The following GCNT2 variants were observed in gnomAD, a reference collection of about 807,000 sequenced individuals.
GCNT2 encodes N-acetyllactosaminide beta-1,6-N-acetylglucosaminyl-transferase.
In GCNT2, 34 loss-of-function variants were observed where a neutral mutation model predicts 34.2. The ratio of observed to expected loss-of-function variants is 1.00; its 90% CI spans 0.76 to 1.32. The LOEUF (loss-of-function observed/expected upper bound fraction) is 1.32, where lower values mean the gene tolerates loss of function less well. GCNT2 is among the 40% of genes most tolerant of loss of function. The pLI, the probability that GCNT2 is intolerant of heterozygous loss-of-function variation, is 0.00. For missense variants in GCNT2, 584 were observed against 489.4 expected (o/e 1.19, Z -1.82); for synonymous variants, 212 against 188.0 (o/e 1.13, Z -1.04).
chr6:10,556,890 C>T, intron 3 of GCNT2: 1 of 1,614,092 alleles, frequency 6.2e-7, no homozygotes. Context: ...AAGATGGAAC[C>T]CGTTGTCTAT....
rs184718084 is a variant in GCNT2, at chr6:10,534,978, G to T, written c.925+5142G>T. The stretch of plus-strand genomic sequence containing the variant: ...GTGGGCGGATCACCTGAGGTCAGAA[G>T]TTTGAGGCTAGCCTGGCCAACATGA... On this transcript the variant is annotated intron_variant, in intron 3 of 4. Coordinates refer to ENST00000495262, the MANE Select transcript of GCNT2 (RefSeq NM_145649.5). Among the ~76,000 whole-genome samples the T allele has an allele frequency of 3.8e-3, 573 of 152,296 alleles. 4 individuals are homozygous for T. Among genetic ancestry groups the T allele is most frequent in the Non-Finnish European group, 3.1e-3 (210 of 68,014 alleles).
chr6:10,573,274 G>C (rs1204044856), intron 3 of GCNT2: 1 of 985,118 alleles, frequency 1.0e-6, no homozygotes, highest in Non-Finnish European at 1.2e-6. Flanking sequence ...TGTGCAGAAA[G>C]ACAAATAGTT....
rs1337883091 is a variant in GCNT2 at position 10,582,552 on chromosome 6, T to TATA, written c.926-38798_926-38796dup. ...ATCATATATTATATATCATGTATAATATATATCATATATATTTAAATATAT... is the reference window on the plus strand; with the variant it reads ...ATCATATATTATATATCATGTATAATATAATATATCATATATATTTAAATATAT... On this transcript the variant is annotated intron_variant, in intron 3 of 4. Coordinates refer to ENST00000495262, the MANE Select transcript of GCNT2 (RefSeq NM_145649.5). Among the ~76,000 whole-genome samples, 445 of 133,990 alleles carry TATA rather than the reference T, an allele frequency of 3.3e-3. 8 individuals are homozygous for TATA. Among genetic ancestry groups the TATA allele is most frequent in the African/African-American group, 0.012 (413 of 35,070 alleles). 87.9% of individuals were successfully genotyped at this position (133,990 alleles called of 152,430 possible).
chr6:10,621,771 A>G (rs1766048277), intron 4 of GCNT2: 1 of 360,598 alleles, frequency 2.8e-6, no homozygotes, highest in African/African-American at 2.1e-5. Flanking sequence ...GTGCAGTGGC[A>G]TGAATGCAGC....
At chr6:10,603,690 A>C (rs1581472059) in intron 3 of GCNT2, among the ~76,000 whole-genome samples, 1 of 150,850 alleles carries the variant, frequency 6.6e-6, no homozygotes, top group Non-Finnish European at 1.5e-5. Flanking sequence ...TAATTTTTGT[A>C]TTTTAGTAGA....
intron 3 of GCNT2, among the ~76,000 whole-genome samples, chr6:10,539,408 C>G (rs1180017916): frequency 6.6e-6 from 1 of 151,810 alleles, no homozygotes; most frequent in Non-Finnish European, 1.5e-5. Flanking sequence ...AGGCTGGTCT[C>G]GAACTCCTGA....
At chr6:10,602,703 A>G (rs946217355) in intron 3 of GCNT2, among the ~76,000 whole-genome samples, 5 of 152,222 alleles carry the variant, frequency 3.3e-5, no homozygotes, top group Non-Finnish European at 7.3e-5. Flanking sequence ...CTGCTCGTAC[A>G]TGGAATTGGA....
chr6:10,521,532 G>A (rs1023357972), intron 1 of GCNT2, 115 bp downstream of exon 1: 1 of 152,348 alleles, frequency 6.6e-6, no homozygotes, highest in African/African-American at 2.4e-5. Context: ...CAATAGGCTG[G>A]TACTCAAATG....
intron 3 of GCNT2, among the ~76,000 whole-genome samples, chr6:10,537,346 G>A (rs749416342): frequency 2.6e-5 from 4 of 152,078 alleles, no homozygotes; most frequent in Middle Eastern, 3.4e-3. Context: ...GATGCTCTTC[G>A]ACTTACAGCG....
chr6:10,585,921 C>G lies in GCNT2; in HGVS notation c.926-35430C>G, dbSNP rs559995914. 1.2e-5 allele frequency: 19 copies of G among 1,598,236 alleles called. No homozygotes were observed. In the African/African-American group the frequency reaches 2.3e-4, roughly 19 times the overall value. On this transcript the variant is annotated intron_variant, in intron 3 of 4. Coordinates refer to ENST00000495262, the MANE Select transcript of GCNT2 (RefSeq NM_145649.5). ...TCAAGACTGGCAAGAGAAGCAAATT[C>G]AACCTCTCACACCGATCATTTCTCA...
chr6:10,556,908 T>G (rs778682112), intron 3 of GCNT2: 1 of 1,614,098 alleles, frequency 6.2e-7, no homozygotes, highest in Admixed American at 1.7e-5. Context: ...TATGGAGGGA[T>G]CTCCAGGCTC....
Position 10,571,579 on chromosome 6 carries a change from C to G in GCNT2, c.925+41743C>G, listed in dbSNP as rs148494176. Among the ~76,000 whole-genome samples, 4 of 152,260 alleles carry G rather than the reference C, an allele frequency of 2.6e-5. No individual in the cohort carries two copies. In the East Asian group the frequency reaches 7.7e-4, roughly 29 times the overall value. On this transcript the variant is annotated intron_variant, in intron 3 of 4. Transcript: ENST00000495262. ...TGTTGGCCGGACTGGTCTTGAACTC[C>G]TGACCTCAGGTGACCCACCCACCTC...
In GCNT2 at chr6:10,536,910, C is replaced by T. The variant is rs181588582; in HGVS notation, c.925+7074C>T. On this transcript the variant is annotated intron_variant, in intron 3 of 4. Coordinates refer to ENST00000495262, the MANE Select transcript of GCNT2 (RefSeq NM_145649.5). ...CCTCCTGAGTAGCTGGGACTACAGG[C>T]GCCCGCCACCACGCCTGGCTAATTT... Among the ~76,000 whole-genome samples, 913 of 151,946 alleles carry T rather than the reference C, an allele frequency of 6.0e-3. 15 individuals carry two copies. The highest frequency in any genetic ancestry group is 0.021 in the African/African-American group (864 of 41,438).
In GCNT2 at chr6:10,628,952, G is replaced by A. The variant is rs1216977447; in HGVS notation, c.*2345G>A. ...CATGAGAATCGCTTGAACCCAGGAGGTGGAGGTTACAGTGAGCTGAGAGTG... is the reference window on the plus strand; with the variant it reads ...CATGAGAATCGCTTGAACCCAGGAGATGGAGGTTACAGTGAGCTGAGAGTG... On this transcript the variant is annotated 3_prime_UTR_variant, in exon 5 of 5. Coordinates refer to ENST00000495262, the MANE Select transcript of GCNT2 (RefSeq NM_145649.5). The A allele has an allele frequency of 1.3e-5, 2 of 152,486 alleles. No homozygotes were observed. Among genetic ancestry groups the A allele is most frequent in the Non-Finnish European group, 2.9e-5 (2 of 68,074 alleles). 9.4% of individuals were successfully genotyped at this position (152,486 alleles called of 1,614,324 possible).
Position 10,523,990 on chromosome 6 carries a change from A to C in GCNT2, c.-469+2573A>C, listed in dbSNP as rs1387609479. ...TCTGTCTCAAAAAAAAAAAAAAAAA[A>C]AAACCAAGACTAAGAGGTGTGGTGA... On this transcript the variant is annotated intron_variant, in intron 1 of 4. Coordinates refer to ENST00000495262, the MANE Select transcript of GCNT2 (RefSeq NM_145649.5). Among the ~76,000 whole-genome samples the C allele has an allele frequency of 2.6e-4, 39 of 150,786 alleles. No individual in the cohort carries two copies. In the South Asian group the frequency reaches 4.2e-3, roughly 16 times the overall value.
chr6:10,541,090 T>A (rs1762018002), intron 3 of GCNT2, among the ~76,000 whole-genome samples: 1 of 151,174 alleles, frequency 6.6e-6, no homozygotes, highest in South Asian at 2.1e-4. Context: ...CCACAGTGGT[T>A]TACCCGCACA....
chr6:10,574,514 C>G (rs528831983), intron 3 of GCNT2, among the ~76,000 whole-genome samples: 7 of 152,248 alleles, frequency 4.6e-5, no homozygotes, highest in Middle Eastern at 3.4e-3. Flanking sequence ...TATTTTCCCT[C>G]ATTTCACACT....
chr6:10,598,973 G>C (rs6906219), intron 3 of GCNT2, among the ~76,000 whole-genome samples: 96,590 of 152,072 alleles, frequency 0.64, 30,810 homozygotes, highest in Admixed American at 0.73. Flanking sequence ...GTGTAAATAA[G>C]TGTTGTATTT....
chr6:10,523,358 A>C (rs1191619423), intron 1 of GCNT2, among the ~76,000 whole-genome samples: 1 of 150,084 alleles, frequency 6.7e-6, no homozygotes, highest in Non-Finnish European at 1.5e-5. Context: ...CCCGGGAGGC[A>C]GAGGCTTCAG....
Sources: gnomAD v4.1 joint callset for allele counts (sites outside exome capture counted in the v4.1 genomes callset) on GRCh38, gnomAD v4.1.1 for gene constraint, MANE v1.5 for transcripts, NCBI Gene and HGNC (gene_info 2026-07-23, HGNC 2026-07-21) for gene names.